Variants in PTGFR observed in about 807,000 individuals in gnomAD.
PTGFR encodes the protein prostaglandin F receptor, also known as prostaglandin F2-alpha receptor.
In PTGFR, 15 loss-of-function variants were observed where a neutral mutation model predicts 26.2. That is an observed-to-expected ratio of 0.57 (90% CI 0.38 to 0.88). The LOEUF (loss-of-function observed/expected upper bound fraction) is 0.88. Among genes scored for constraint, PTGFR ranks in the 40% least tolerant of loss-of-function variants. The pLI is 0.00. For missense variants in PTGFR, 369 were observed against 427.2 expected (o/e 0.86, Z 1.20); for synonymous variants, 165 against 151.1 (o/e 1.09, Z -0.68).
intron 2 of PTGFR, among the ~76,000 whole-genome samples, chr1:78,532,808 T>G (rs1650555039): frequency 6.6e-6 from 1 of 152,110 alleles, no homozygotes; most frequent in Admixed American, 6.6e-5. Flanking sequence ...ATATCCATAT[T>G]TTCTAAGTAT....
intron 2 of PTGFR, among the ~76,000 whole-genome samples, chr1:78,534,157 C>G (rs1650589340): frequency 1.3e-5 from 2 of 152,224 alleles, no homozygotes; most frequent in South Asian, 2.1e-4. Flanking sequence ...TCCTTTAGCT[C>G]CATGTACTGG....
intron 2 of PTGFR, among the ~76,000 whole-genome samples, chr1:78,519,504 A>G (rs1173993835): frequency 6.6e-6 from 1 of 152,146 alleles, no homozygotes; most frequent in East Asian, 1.9e-4. Flanking sequence ...TGTTATGGCC[A>G]TGATTCCATT....
rs549838714 is a variant in PTGFR, at chr1:78,532,182, G to C, written c.799-4224G>C. On this transcript the variant is annotated intron_variant, in intron 2 of 2. Coordinates refer to ENST00000370757, the MANE Select transcript of PTGFR (RefSeq NM_000959.4). ...TAACTAGAGACTGGAAAACCACTTA[G>C]GAGTCTATAATATGATGTTTGCTTT... 3.2e-4 allele frequency: 128 copies of C among 403,300 alleles called. 3 individuals carry two copies. Among genetic ancestry groups the C allele is most frequent in the South Asian group, 2.1e-3 (122 of 57,334 alleles). 25.0% of individuals were successfully genotyped at this position (403,300 alleles called of 1,614,324 possible).
intron 2 of PTGFR, among the ~76,000 whole-genome samples, chr1:78,497,394 G>A (rs1202785965): frequency 1.3e-5 from 2 of 152,052 alleles, no homozygotes; most frequent in African/African-American, 4.8e-5. Flanking sequence ...TTATAAAATT[G>A]TCTCGCGTTC....
chr1:78,516,725 A>T (rs1650097407), intron 2 of PTGFR, among the ~76,000 whole-genome samples: 1 of 152,188 alleles, frequency 6.6e-6, no homozygotes, highest in Non-Finnish European at 1.5e-5. Context: ...ATGAGTACTA[A>T]AAATAACCTA....
In PTGFR at chr1:78,514,187, T is replaced by C. The variant is rs191434144; in HGVS notation, c.798+20646T>C. Reference sequence around the variant, plus strand: ...CTAGACCCCAGAATGGTACAGCCACTGTTTGCTTGCACCCTGTGGCTGAAA... The same window carrying C: ...CTAGACCCCAGAATGGTACAGCCACCGTTTGCTTGCACCCTGTGGCTGAAA... On this transcript the variant is annotated intron_variant, in intron 2 of 2. Transcript: ENST00000370757. Among the ~76,000 whole-genome samples the C allele has an allele frequency of 3.0e-3, 453 of 152,328 alleles. 3 individuals are homozygous for C. Among genetic ancestry groups the C allele is most frequent in the African/African-American group, 0.011 (443 of 41,574 alleles).
chr1:78,531,729 C>G (rs969345117), intron 2 of PTGFR, among the ~76,000 whole-genome samples: 1 of 152,076 alleles, frequency 6.6e-6, no homozygotes, highest in Non-Finnish European at 1.5e-5. Context: ...ACCCTCCTAA[C>G]TCCTGTGCTT....
rs1490647607 is a variant in PTGFR, at chr1:78,540,411, G to T, written c.*3724G>T. ...TTGTCTTCCTAATAGCATTTAAACA[G>T]AAACGATTTTTAAAAGTTGTTTTAA... On this transcript the variant is annotated 3_prime_UTR_variant, in exon 3 of 3. Coordinates refer to ENST00000370757, the MANE Select transcript of PTGFR (RefSeq NM_000959.4). Among the ~76,000 whole-genome samples, 1 of 152,078 alleles carries T rather than the reference G, an allele frequency of 6.6e-6. No individual in the cohort carries two copies. Among genetic ancestry groups the T allele is most frequent in the Non-Finnish European group, 1.5e-5 (1 of 68,002 alleles).
At chr1:78,532,696 T>G (rs926163233) in intron 2 of PTGFR, among the ~76,000 whole-genome samples, 2 of 151,616 alleles carry the variant, frequency 1.3e-5, no homozygotes, top group Non-Finnish European at 2.9e-5. Context: ...GCCTCCTGAG[T>G]AGCCGGGACT....
chr1:78,525,658 G>A (rs1239901370), intron 2 of PTGFR, among the ~76,000 whole-genome samples: 2 of 152,076 alleles, frequency 1.3e-5, no homozygotes, highest in African/African-American at 4.8e-5. Flanking sequence ...CTGATATCAT[G>A]TGGTTCAAAG....
intron 2 of PTGFR, among the ~76,000 whole-genome samples, chr1:78,528,163 AGGCTGT>A (rs1186823773): frequency 6.6e-6 from 1 of 151,958 alleles, no homozygotes; most frequent in African/African-American, 2.4e-5. Context: ...TTTGACCCAT[AGGCTGT>A]TACCTGGAGA....
chr1:78,515,046 ATTTT>A (rs540597508), intron 2 of PTGFR, among the ~76,000 whole-genome samples: 1 of 149,626 alleles, frequency 6.7e-6, no homozygotes, highest in Admixed American at 6.7e-5. Flanking sequence ...AGTTTCAGGT[ATTTT>A]TTTTTTATAG....
chr1:78,498,743 A>G (rs1216280776), intron 2 of PTGFR, among the ~76,000 whole-genome samples: 2 of 152,184 alleles, frequency 1.3e-5, no homozygotes, highest in Admixed American at 6.5e-5. Flanking sequence ...GGACTGTTCT[A>G]TAGTCTTATA....
intron 2 of PTGFR, among the ~76,000 whole-genome samples, chr1:78,515,577 A>G (rs1650073492): frequency 6.6e-6 from 1 of 152,178 alleles, no homozygotes; most frequent in Non-Finnish European, 1.5e-5. Context: ...ACTGATTCAA[A>G]TCTGAGTTTT....
intron 2 of PTGFR, among the ~76,000 whole-genome samples, chr1:78,527,565 A>T (rs1015851841): frequency 6.6e-6 from 1 of 151,958 alleles, no homozygotes; most frequent in African/African-American, 2.4e-5. Context: ...AGAAAAAAAG[A>T]CTCCCTCTCT....
intron 2 of PTGFR, among the ~76,000 whole-genome samples, chr1:78,529,333 A>C (rs1371037415): frequency 6.6e-6 from 1 of 152,138 alleles, no homozygotes; most frequent in Non-Finnish European, 1.5e-5. Flanking sequence ...TAATTCATAG[A>C]TGGGATGCTA....
At chr1:78,496,569 G>C (rs1557647104) in intron 2 of PTGFR, among the ~76,000 whole-genome samples, 1 of 152,136 alleles carries the variant, frequency 6.6e-6, no homozygotes, top group Non-Finnish European at 1.5e-5. Flanking sequence ...GAAGGTAGAG[G>C]TACATGCACT....
intron 2 of PTGFR, among the ~76,000 whole-genome samples, chr1:78,527,539 T>C (rs1228117593): frequency 6.6e-6 from 1 of 152,106 alleles, no homozygotes; most frequent in Non-Finnish European, 1.5e-5. Flanking sequence ...GACATACTTA[T>C]GCTAAAAAGA....
At chr1:78,531,670 A>G (rs192824270) in intron 2 of PTGFR, among the ~76,000 whole-genome samples, 1 of 152,008 alleles carries the variant, frequency 6.6e-6, no homozygotes. Flanking sequence ...TTTACCTTAA[A>G]TCCAACTTGA....
Sources: gnomAD v4.1 joint callset for allele counts (sites outside exome capture counted in the v4.1 genomes callset) on GRCh38, gnomAD v4.1.1 for gene constraint, MANE v1.5 for transcripts, NCBI Gene and HGNC (gene_info 2026-07-23, HGNC 2026-07-21) for gene names.